RABGAP1L: variants seen among roughly 807,000 people sequenced by gnomAD.
RABGAP1L encodes rab GTPase-activating protein 1-like.
RABGAP1L carries 63 observed loss-of-function variants against 137.7 expected under a neutral mutation model. That is an observed-to-expected ratio of 0.46 (90% CI 0.37 to 0.56). RABGAP1L has a LOEUF of 0.56. RABGAP1L is among the 20% of genes least tolerant of loss of function. The pLI, the probability that RABGAP1L is intolerant of heterozygous loss-of-function variation, is 0.00. For missense variants in RABGAP1L, 1,095 were observed against 1,244.0 expected (o/e 0.88, Z 1.80); for synonymous variants, 431 against 433.7 (o/e 0.99, Z 0.08).
chr1:174,274,259 TATATTTTTCAGTGAAATAGCCAG>T (rs1340229929), intron 8 of RABGAP1L, among the ~76,000 whole-genome samples: 1 of 152,128 alleles, frequency 6.6e-6, no homozygotes, highest in Non-Finnish European at 1.5e-5. Context: ...TAAATGAAGA[TATATTTTTCAGTGAAATAGCCAG>T]ATTACTTATA....
intron 22 of RABGAP1L, among the ~76,000 whole-genome samples, chr1:174,976,670 C>G (rs1307339786): frequency 6.6e-6 from 1 of 152,214 alleles, no homozygotes; most frequent in Non-Finnish European, 1.5e-5. Flanking sequence ...CATCAGTATT[C>G]CTGGCTAAGC....
In RABGAP1L at chr1:174,761,443, G is replaced by T. The variant is rs1685210459; in HGVS notation, c.2211+9089G>T. ...AGGCAGAGGCGCTCCTCAGTTTTCA[G>T]ACGGTGCAGCCGCCAGGCAGAGGTG... On this transcript the variant is annotated intron_variant, in intron 18 of 25. Transcript: ENST00000681986. The surrounding 1 kb of genome is among the most constrained non-coding windows in gnomAD (Gnocchi z 4.0). Among the ~76,000 whole-genome samples the T allele has an allele frequency of 6.6e-6, 1 of 152,154 alleles. No homozygotes were observed. Among genetic ancestry groups the T allele is most frequent in the Non-Finnish European group, 1.5e-5 (1 of 68,026 alleles).
chr1:174,589,310 T>C (rs1572419074), intron 13 of RABGAP1L, among the ~76,000 whole-genome samples: 1 of 152,250 alleles, frequency 6.6e-6, no homozygotes, highest in African/African-American at 2.4e-5. Flanking sequence ...TAGATTTTTT[T>C]TCTATTGAGT....
At chr1:174,467,397 A>G (rs147372126) in intron 13 of RABGAP1L, among the ~76,000 whole-genome samples, 1,898 of 150,394 alleles carry the variant, frequency 0.013, 14 homozygotes, top group Non-Finnish European at 0.02. Flanking sequence ...GTTTGAGCCT[A>G]GTTAAAAAAA....
At chr1:174,163,076 A>G (rs188997887) in intron 1 of RABGAP1L, among the ~76,000 whole-genome samples, 30 of 152,214 alleles carry the variant, frequency 2.0e-4, no homozygotes, top group Middle Eastern at 6.8e-3. Flanking sequence ...TCTGATGAGC[A>G]TTTTGCCATT....
chr1:174,393,988 T>C lies in RABGAP1L; in HGVS notation c.1560-7T>C. 6.2e-7 allele frequency: 1 copy of C among 1,610,320 alleles called. No individual in the cohort carries two copies. Among genetic ancestry groups the C allele is most frequent in the Non-Finnish European group, 8.5e-7 (1 of 1,178,668 alleles). The stretch of plus-strand genomic sequence containing the variant: ...AGTGTGAATGGATTATTTTCTTGTC[T>C]TCTCAGGCACAGTAACCTTGGTGCA... On this transcript the variant is annotated splice_region_variant and splice_polypyrimidine_tract_variant and intron_variant, in intron 12 of 25. Coordinates refer to ENST00000681986, the MANE Select transcript of RABGAP1L (RefSeq NM_001366446.1).
chr1:174,456,846 C>T (rs181436160), intron 13 of RABGAP1L, among the ~76,000 whole-genome samples: 2 of 152,170 alleles, frequency 1.3e-5, no homozygotes, highest in East Asian at 1.9e-4. Context: ...ATTTATGCTA[C>T]TTATTTAAAC....
chr1:174,533,539 T>C (rs1438615107), intron 13 of RABGAP1L, among the ~76,000 whole-genome samples: 4 of 152,202 alleles, frequency 2.6e-5, no homozygotes, highest in Non-Finnish European at 5.9e-5. Context: ...TTCATGATGA[T>C]CCACTTCTAT....
intron 19 of RABGAP1L, among the ~76,000 whole-genome samples, chr1:174,821,035 A>C (rs1235296241): frequency 6.6e-6 from 1 of 151,936 alleles, no homozygotes; most frequent in African/African-American, 2.4e-5. Flanking sequence ...AAAAAAAAAA[A>C]AACTGCCCTG....
intron 13 of RABGAP1L, among the ~76,000 whole-genome samples, chr1:174,532,805 A>T (rs6682070): frequency 0.21 from 31,805 of 151,866 alleles, 3,671 homozygotes; most frequent in Admixed American, 0.25. Context: ...CAGATATATA[A>T]AAAAAAATGG....
chr1:174,506,227 A>G (rs1661802062), intron 13 of RABGAP1L, among the ~76,000 whole-genome samples: 1 of 152,214 alleles, frequency 6.6e-6, no homozygotes, highest in Non-Finnish European at 1.5e-5. Context: ...TATCATGGTA[A>G]TTATACTTAA....
chr1:174,702,601 A>G (rs1306125656), intron 17 of RABGAP1L, among the ~76,000 whole-genome samples: 1 of 152,162 alleles, frequency 6.6e-6, no homozygotes, highest in East Asian at 1.9e-4. Flanking sequence ...TTTTAATATT[A>G]ATGCAGTTAT....
chr1:174,985,232 A>C (rs1450361023), intron 24 of RABGAP1L, among the ~76,000 whole-genome samples: 5 of 152,170 alleles, frequency 3.3e-5, no homozygotes, highest in African/African-American at 1.2e-4. Flanking sequence ...GTCTCTACAA[A>C]AAATACAAAA....
At chr1:174,981,900 T>C (rs555988818) in intron 23 of RABGAP1L, among the ~76,000 whole-genome samples, 4 of 152,260 alleles carry the variant, frequency 2.6e-5, no homozygotes, top group East Asian at 1.9e-4. Flanking sequence ...TACTTTTTTT[T>C]CCACTTGATT....
At chr1:174,470,196 TTCTC>T (rs1657756474) in intron 13 of RABGAP1L, among the ~76,000 whole-genome samples, 1 of 152,194 alleles carries the variant, frequency 6.6e-6, no homozygotes, top group African/African-American at 2.4e-5. Flanking sequence ...ATCCATCTTT[TTCTC>T]ACTTCTCTAT....
At chr1:174,519,676 G>T (rs1663196123) in intron 13 of RABGAP1L, among the ~76,000 whole-genome samples, 1 of 152,162 alleles carries the variant, frequency 6.6e-6, no homozygotes, top group Non-Finnish European at 1.5e-5. Context: ...TATAAAAAGA[G>T]ATGCCTCATT....
chr1:174,309,363 A>G (rs1029626354), intron 11 of RABGAP1L, among the ~76,000 whole-genome samples: 6 of 151,972 alleles, frequency 3.9e-5, no homozygotes, highest in African/African-American at 1.4e-4. Flanking sequence ...CTCTTGCCTA[A>G]TTGCTTTGGC....
chr1:174,608,911 A>G (rs1035793778), intron 13 of RABGAP1L, among the ~76,000 whole-genome samples: 2 of 152,168 alleles, frequency 1.3e-5, no homozygotes, highest in African/African-American at 4.8e-5. Context: ...GCTGGCCCAA[A>G]CAATGGTTAG....
intron 13 of RABGAP1L, among the ~76,000 whole-genome samples, chr1:174,475,363 T>C (rs1219153038): frequency 2.6e-5 from 4 of 152,184 alleles, no homozygotes; most frequent in African/African-American, 9.7e-5. Context: ...GCAGTTATTT[T>C]ATATCTTCTC....
Sources: gnomAD v4.1 joint callset for allele counts (sites outside exome capture counted in the v4.1 genomes callset) on GRCh38, gnomAD v4.1.1 for gene constraint, Gnocchi (gnomAD v3.1) non-coding constraint, MANE v1.5 for transcripts, NCBI Gene and HGNC (gene_info 2026-07-23, HGNC 2026-07-21) for gene names.